Variants in ATXN1 observed in about 807,000 individuals in gnomAD.
ATXN1 encodes ataxin 1.
A neutral mutation model predicts 56.4 loss-of-function variants in ATXN1; 8 were observed. The observed-to-expected ratio is 0.14, with a 90% CI of 0.08 to 0.26. The LOEUF is 0.26. ATXN1 is among the 10% of genes least tolerant of loss of function. ATXN1 has a pLI of 1.00. For missense variants in ATXN1, 987 were observed against 1,106.5 expected (o/e 0.89, Z 1.53); for synonymous variants, 514 against 494.6 (o/e 1.04, Z -0.52).
chr6:16,313,529 G>A (rs1354393919), intron 7 of ATXN1, among the ~76,000 whole-genome samples: 1 of 152,076 alleles, frequency 6.6e-6, no homozygotes, highest in Non-Finnish European at 1.5e-5. Flanking sequence ...TATTTGAGAT[G>A]CGTACTAAAA....
intron 6 of ATXN1, among the ~76,000 whole-genome samples, chr6:16,367,360 T>TCACA (rs1170199442): frequency 8.5e-6 from 1 of 116,984 alleles, no homozygotes; most frequent in Non-Finnish European, 1.8e-5. Flanking sequence ...TCTCTCTCTC[T>TCACA]CTCACACACA....
intron 6 of ATXN1, among the ~76,000 whole-genome samples, chr6:16,474,742 T>G (rs745609211): frequency 1.9e-4 from 29 of 152,188 alleles, no homozygotes; most frequent in Non-Finnish European, 3.5e-4. Context: ...GGTCATGGTG[T>G]AAAGGAATTG....
intron 4 of ATXN1, among the ~76,000 whole-genome samples, chr6:16,572,958 T>A (rs1335823071): frequency 1.3e-5 from 2 of 152,138 alleles, no homozygotes; most frequent in Admixed American, 6.5e-5. Flanking sequence ...TTTTTATGAG[T>A]ATGGTCCAAC....
intron 2 of ATXN1, among the ~76,000 whole-genome samples, chr6:16,714,791 T>C (rs920444154): frequency 2.6e-5 from 4 of 152,192 alleles, no homozygotes; most frequent in Non-Finnish European, 4.4e-5. Flanking sequence ...TATTAATTTA[T>C]TAAATTAATT....
chr6:16,582,442 A>T (rs934513623), intron 4 of ATXN1, among the ~76,000 whole-genome samples: 3 of 152,240 alleles, frequency 2.0e-5, no homozygotes, highest in South Asian at 2.1e-4. Flanking sequence ...GAATGGGATT[A>T]AAATTAAAGA....
At chr6:16,355,371 C>A (rs1385136260) in intron 6 of ATXN1, among the ~76,000 whole-genome samples, 1 of 152,252 alleles carries the variant, frequency 6.6e-6, no homozygotes, top group African/African-American at 2.4e-5. Flanking sequence ...GCACTAAGAA[C>A]ACCTACTTTT....
At chr6:16,639,813 G>A (rs1238975418) in intron 3 of ATXN1, among the ~76,000 whole-genome samples, 3 of 152,330 alleles carry the variant, frequency 2.0e-5, no homozygotes, top group Non-Finnish European at 2.9e-5. Context: ...CATTGCTGCA[G>A]TAAAATTACA....
At chr6:16,486,277 C>T (rs2113656207) in intron 5 of ATXN1, among the ~76,000 whole-genome samples, 168 bp from the exon 6 acceptor site, 1 of 152,246 alleles carries the variant, frequency 6.6e-6, no homozygotes, top group South Asian at 2.1e-4. Flanking sequence ...CCAAAAAGAA[C>T]ACAACATGGT....
chr6:16,461,595 T>C (rs758328224), intron 6 of ATXN1, among the ~76,000 whole-genome samples: 1 of 152,184 alleles, frequency 6.6e-6, no homozygotes, highest in Non-Finnish European at 1.5e-5. Context: ...TTGGTCTGTG[T>C]TGACCAACCA....
At chr6:16,492,596 T>C (rs777821567) in intron 5 of ATXN1, among the ~76,000 whole-genome samples, 1 of 151,840 alleles carries the variant, frequency 6.6e-6, no homozygotes, top group Non-Finnish European at 1.5e-5. Context: ...GTTTAATTTG[T>C]CTATTGTAAC....
chr6:16,753,928 T>C (rs1193336096), intron 1 of ATXN1: 1 of 152,406 alleles, frequency 6.6e-6, no homozygotes, highest in Admixed American at 6.5e-5. Context: ...ACATCTCATT[T>C]TCATTTTGCC....
chr6:16,718,351 A>T (rs1759679642), intron 2 of ATXN1, among the ~76,000 whole-genome samples: 1 of 152,280 alleles, frequency 6.6e-6, no homozygotes, highest in Non-Finnish European at 1.5e-5. Context: ...AGGATATGCA[A>T]GGCCAAATGC....
At chr6:16,456,583 C>T in intron 6 of ATXN1, among the ~76,000 whole-genome samples, 1 of 152,300 alleles carries the variant, frequency 6.6e-6, no homozygotes, top group Middle Eastern at 3.4e-3. Context: ...GTTGGCCCTG[C>T]AGCCATGAGC....
intron 6 of ATXN1, among the ~76,000 whole-genome samples, chr6:16,389,907 T>A (rs1411505482): frequency 6.6e-6 from 1 of 152,182 alleles, no homozygotes; most frequent in East Asian, 1.9e-4. Context: ...AAGAGTCCTG[T>A]GTACGTTCAC....
At chr6:16,404,463 T>A (rs896980227) in intron 6 of ATXN1, among the ~76,000 whole-genome samples, 1 of 152,164 alleles carries the variant, frequency 6.6e-6, no homozygotes, top group Non-Finnish European at 1.5e-5. Context: ...CTGGTTCACA[T>A]CTGTCAGGTC....
rs566876977 is a variant in ATXN1 at position 16,672,601 on chromosome 6, G to A, written c.-614-14700C>T. Reference sequence around the variant, plus strand: ...ATCGCAAGGAAGTTTAAAAGTCTGAGAAGGAGGAAGAAGTGTCAGAGGAAG... The same window carrying A: ...ATCGCAAGGAAGTTTAAAAGTCTGAAAAGGAGGAAGAAGTGTCAGAGGAAG... On this transcript the variant is annotated intron_variant, in intron 2 of 7. Transcript: ENST00000436367. 2.0e-5 allele frequency among the ~76,000 whole-genome samples: 3 copies of A among 152,354 alleles called. No homozygotes were observed. The South Asian group carries it at 6.2e-4, about 32-fold the overall frequency.
chr6:16,435,108 A>G (rs1398909326), intron 6 of ATXN1, among the ~76,000 whole-genome samples: 1 of 152,216 alleles, frequency 6.6e-6, no homozygotes, highest in African/African-American at 2.4e-5. Context: ...GTCTTGGGTA[A>G]CTAGATGATG....
At chr6:16,554,708 C>T (rs538054169) in intron 4 of ATXN1, among the ~76,000 whole-genome samples, 1 of 152,276 alleles carries the variant, frequency 6.6e-6, no homozygotes, top group Admixed American at 6.5e-5. Context: ...CCCACCTCAG[C>T]GTCCCAAAGT....
At chr6:16,636,587 A>C (rs1234605927) in intron 3 of ATXN1, among the ~76,000 whole-genome samples, 1 of 152,218 alleles carries the variant, frequency 6.6e-6, no homozygotes, top group Non-Finnish European at 1.5e-5. Context: ...TGAATAGTCT[A>C]TGCCATCACA....
Sources: gnomAD v4.1 joint callset for allele counts (sites outside exome capture counted in the v4.1 genomes callset) on GRCh38, gnomAD v4.1.1 for gene constraint, MANE v1.5 for transcripts, NCBI Gene and HGNC (gene_info 2026-07-23, HGNC 2026-07-21) for gene names.